Variants in PKN2 observed in about 807,000 individuals in gnomAD.
PKN2 encodes serine/threonine-protein kinase N2.
A neutral mutation model predicts 119.1 loss-of-function variants in PKN2; 38 were observed. The observed-to-expected ratio is 0.32, with a 90% CI of 0.25 to 0.42. The LOEUF (loss-of-function observed/expected upper bound fraction) is 0.42. Ranked by LOEUF, PKN2 falls within the 10% of genes least tolerant of loss-of-function variation. PKN2 has a pLI of 1.00. For synonymous variants in PKN2, 390 were observed against 384.9 expected, an observed-to-expected ratio of 1.01 and a Z score of -0.15; for missense variants, 850 against 1,165.1, an observed-to-expected ratio of 0.73 and a Z score of 3.94.
At chr1:88,814,569 T>TAA (rs1270890980) in intron 16 of PKN2, among the ~76,000 whole-genome samples, 1 of 152,162 alleles carries the variant, frequency 6.6e-6, no homozygotes, top group Non-Finnish European at 1.5e-5. Flanking sequence ...CTAAATATCT[T>TAA]ATTTAACAAC....
At chr1:88,703,110 C>G (rs1666837498) in intron 1 of PKN2, among the ~76,000 whole-genome samples, 1 of 152,046 alleles carries the variant, frequency 6.6e-6, no homozygotes, top group Non-Finnish European at 1.5e-5. Context: ...TCTGTAGGTT[C>G]AATAAAATGC....
chr1:88,800,686 C>T (rs1427130025), intron 8 of PKN2, among the ~76,000 whole-genome samples: 1 of 152,196 alleles, frequency 6.6e-6, no homozygotes, highest in Non-Finnish European at 1.5e-5. Flanking sequence ...ATTCTTTGTG[C>T]TAATTCTTTT....
chr1:88,835,690 A>G lies in PKN2; in HGVS notation c.*2242A>G, dbSNP rs1026638962. ...TTAGGATATTTTAGAATGGTACACT[A>G]TGCATTCAAATGAAATGTGCCTTTC... On this transcript the variant is annotated 3_prime_UTR_variant, in exon 22 of 22. Coordinates refer to ENST00000370521, the MANE Select transcript of PKN2 (RefSeq NM_006256.4). 1 of 152,428 alleles carries G rather than the reference A, an allele frequency of 6.6e-6. No homozygotes were observed. The highest frequency in any genetic ancestry group is 2.1e-4 in the South Asian group (1 of 4,834). The allele number at this position is 152,428 out of a possible 1,614,324, so 9.4% of individuals were successfully genotyped here. A position where few individuals can be genotyped will look rare whatever the true frequency, so the allele number is the denominator to read the frequency against.
rs561703937 is a variant in PKN2 at position 88,720,740 on chromosome 1, A to T, written c.49-20248A>T. ...GGTGCACCCATCACCAGAGCAGTGT[A>T]CACTGTACCCAGTGTATGTCTTCTG... On this transcript the variant is annotated intron_variant, in intron 1 of 21. Transcript: ENST00000370521. Among the ~76,000 whole-genome samples the T allele has an allele frequency of 1.1e-4, 17 of 152,252 alleles. No homozygotes were observed. In the South Asian group the frequency reaches 2.9e-3, roughly 26 times the overall value.
chr1:88,736,852 A>T (rs1668368160), intron 1 of PKN2, among the ~76,000 whole-genome samples: 1 of 152,136 alleles, frequency 6.6e-6, no homozygotes, highest in African/African-American at 2.4e-5. Flanking sequence ...CCAGGTTTGC[A>T]GTGAATTCAC....
intron 6 of PKN2, among the ~76,000 whole-genome samples, chr1:88,774,856 G>C (rs12027945): frequency 6.6e-6 from 1 of 151,950 alleles, no homozygotes; most frequent in African/African-American, 2.4e-5. Flanking sequence ...GTACGGGAAC[G>C]TGCCACCACA....
At chr1:88,728,838 C>CT (rs890008456) in intron 1 of PKN2, among the ~76,000 whole-genome samples, 1 of 149,682 alleles carries the variant, frequency 6.7e-6, no homozygotes, top group African/African-American at 2.5e-5. Context: ...TAGATCATGT[C>CT]TTTTTCCCCC....
chr1:88,747,042 T>C (rs1166548027), intron 2 of PKN2, among the ~76,000 whole-genome samples: 1 of 152,098 alleles, frequency 6.6e-6, no homozygotes, highest in Non-Finnish European at 1.5e-5. Context: ...TGTGGAATCT[T>C]AAAAAGACAA....
In PKN2 at chr1:88,824,217, A is replaced by G; in HGVS notation, c.2343-93A>G. ...AAATCCCATTTTTAATAAAGAGAAA[A>G]CACAGTTCCAATTGCAATTATTTTT... On this transcript the variant is annotated intron_variant, in intron 17 of 21. Coordinates refer to ENST00000370521, the MANE Select transcript of PKN2 (RefSeq NM_006256.4). The G allele has an allele frequency of 1.1e-5, 7 of 644,302 alleles. No individual in the cohort carries two copies. The South Asian group carries it at 1.4e-4, about 12-fold the overall frequency. 39.9% of individuals were successfully genotyped at this position (644,302 alleles called of 1,614,324 possible). A position where few individuals can be genotyped will look rare whatever the true frequency, so the allele number is the denominator to read the frequency against.
chr1:88,782,719 T>G (rs1670395983), intron 6 of PKN2, among the ~76,000 whole-genome samples: 1 of 152,182 alleles, frequency 6.6e-6, no homozygotes, highest in Non-Finnish European at 1.5e-5. Context: ...ACATTTTCAG[T>G]AGATTGACTG....
chr1:88,806,132 A>G, intron 12 of PKN2, 115 bp downstream of exon 12: 1 of 938,802 alleles, frequency 1.1e-6, no homozygotes, highest in Non-Finnish European at 1.6e-6. Context: ...CTGTGAATTT[A>G]TGGTTTTTTG....
chr1:88,688,109 G>A (rs555544634), intron 1 of PKN2, among the ~76,000 whole-genome samples: 14 of 151,516 alleles, frequency 9.2e-5, no homozygotes, highest in African/African-American at 2.2e-4. Context: ...TTCTGGAGAC[G>A]GAGTCTCGCA....
chr1:88,820,850 A>G (rs762219847), intron 16 of PKN2, among the ~76,000 whole-genome samples: 2 of 152,192 alleles, frequency 1.3e-5, no homozygotes, highest in Non-Finnish European at 1.5e-5. Flanking sequence ...CACTGAAGAC[A>G]TTTGCATTTT....
At chr1:88,742,687 T>A (rs2100747882) in intron 2 of PKN2, among the ~76,000 whole-genome samples, 1 of 152,002 alleles carries the variant, frequency 6.6e-6, no homozygotes, top group Non-Finnish European at 1.5e-5. Flanking sequence ...AATAGCCTGT[T>A]CCATGGAACT....
At chr1:88,801,589 C>T (rs554887903) in intron 8 of PKN2, among the ~76,000 whole-genome samples, 7 of 152,176 alleles carry the variant, frequency 4.6e-5, no homozygotes, top group East Asian at 3.9e-4. Flanking sequence ...AGATCACAGC[C>T]CCACCCTCCC....
In PKN2 at chr1:88,836,089, AG is replaced by A. The variant is rs1288038559; in HGVS notation, c.*2642del. 2 of 151,970 alleles carry A rather than the reference AG, an allele frequency of 1.3e-5. No individual in the cohort carries two copies. The highest frequency in any genetic ancestry group is 2.9e-5 in the Non-Finnish European group (2 of 67,950). 9.4% of individuals were successfully genotyped at this position (151,970 alleles called of 1,614,324 possible). A position where few individuals can be genotyped will look rare whatever the true frequency, so the allele number is the denominator to read the frequency against. ...CTGTGTATAGATACTGAGAATAGGA[AG>A]TTTTTTTTTTTAAAGCAACAAAATG... is the stretch of plus-strand genomic sequence containing the variant. On this transcript the variant is annotated 3_prime_UTR_variant, in exon 22 of 22. Coordinates refer to ENST00000370521, the MANE Select transcript of PKN2 (RefSeq NM_006256.4).
chr1:88,792,780 C>A (rs560458159), intron 8 of PKN2, among the ~76,000 whole-genome samples: 15 of 152,274 alleles, frequency 9.9e-5, no homozygotes, highest in African/African-American at 3.6e-4. Context: ...CTGCAAACCT[C>A]AATATATAGG....
In PKN2 at chr1:88,684,715, C is replaced by G; in HGVS notation, c.48+87C>G. Reference sequence around the variant, plus strand: ...GCGTCGGGGACCGAGGAAAGCCCTGCGGCCGCCGCGCCCCTAGCCCGCTAA... The same window carrying G: ...GCGTCGGGGACCGAGGAAAGCCCTGGGGCCGCCGCGCCCCTAGCCCGCTAA... On this transcript the variant is annotated intron_variant, in intron 1 of 21. Coordinates refer to ENST00000370521, the MANE Select transcript of PKN2 (RefSeq NM_006256.4). 3.4e-6 allele frequency: 4 copies of G among 1,171,490 alleles called. No individual in the cohort carries two copies. The South Asian group carries it at 6.8e-5, about 20-fold the overall frequency. The allele number at this position is 1,171,490 out of a possible 1,614,324, so 72.6% of individuals were successfully genotyped here.
intron 18 of PKN2, among the ~76,000 whole-genome samples, chr1:88,824,736 TAAAGTTG>T (rs1034394273): frequency 1.3e-5 from 2 of 152,228 alleles, no homozygotes; most frequent in Non-Finnish European, 2.9e-5. Flanking sequence ...TCCAGCTTCT[TAAAGTTG>T]AAACATTTAA....
Sources: allele counts gnomAD v4.1 joint callset (sites outside exome capture counted in the v4.1 genomes callset), GRCh38; gene constraint gnomAD v4.1.1; transcripts MANE v1.5; gene names NCBI Gene and HGNC (gene_info 2026-07-23, HGNC 2026-07-21).